The following RAB11FIP5 variants were observed in gnomAD, a reference collection of about 807,000 sequenced individuals.
The protein encoded by RAB11FIP5 is RAB11 family interacting protein 5, also known as rab11 family-interacting protein 5.
A neutral mutation model predicts 85.1 loss-of-function variants in RAB11FIP5; 48 were observed. That is an observed-to-expected ratio of 0.56 (90% CI 0.45 to 0.72). RAB11FIP5 has a LOEUF of 0.72. Among genes scored for constraint, RAB11FIP5 ranks in the 30% least tolerant of loss-of-function variants. The pLI, the probability that RAB11FIP5 is intolerant of heterozygous loss-of-function variation, is 0.00. For missense variants in RAB11FIP5, 1,491 were observed against 1,687.0 expected, an observed-to-expected ratio of 0.88 and a Z score of 2.04; for synonymous variants, 729 against 727.3, an observed-to-expected ratio of 1.00 and a Z score of -0.04.
chr2:73,087,090 C>T (rs562530354), intron 3 of RAB11FIP5, among the ~76,000 whole-genome samples: 2 of 152,334 alleles, frequency 1.3e-5, no homozygotes, highest in African/African-American at 4.8e-5. Context: ...GTCCTCTAAA[C>T]CTGTCCAAGC....
intron 1 of RAB11FIP5, among the ~76,000 whole-genome samples, chr2:73,107,398 CT>C (rs1684549169): frequency 6.6e-6 from 1 of 152,170 alleles, no homozygotes; most frequent in Non-Finnish European, 1.5e-5. Flanking sequence ...GGGCGGGCAG[CT>C]CCCAGCAGAG....
chr2:73,089,899 AC>A lies in RAB11FIP5; in HGVS notation c.432-585del, dbSNP rs1684176269. 1.3e-5 allele frequency among the ~76,000 whole-genome samples: 2 copies of A among 151,622 alleles called. No individual in the cohort carries two copies. The highest frequency in any genetic ancestry group is 2.9e-5 in the Non-Finnish European group (2 of 67,898). Reference sequence around the variant, plus strand: ...TGTATGTATACACACACACACACACACACACACACACACACACCTCACTCAC... The same window carrying A: ...TGTATGTATACACACACACACACACAACACACACACACACACCTCACTCAC... On this transcript the variant is annotated intron_variant, in intron 1 of 5. Transcript: ENST00000486777. The surrounding 1 kb of genome is among the most constrained non-coding windows in gnomAD (Gnocchi z 4.6).
Position 73,080,143 on chromosome 2 carries a change from G to A in RAB11FIP5, c.3089C>T (p.Ala1030Val), listed in dbSNP as rs1284893029. The A allele has an allele frequency of 2.5e-5, 31 of 1,232,046 alleles. No individual in the cohort carries two copies. The highest frequency in any genetic ancestry group is 2.6e-5 in the Non-Finnish European group (26 of 988,016). The allele number at this position is 1,232,046 out of a possible 1,614,324, so 76.3% of individuals were successfully genotyped here. A position where few individuals can be genotyped will look rare whatever the true frequency, so the allele number is the denominator to read the frequency against. Reference protein sequence around the residue: ...GTPEVGEGPEAPEAQGQDPVG... With the variant: ...GTPEVGEGPEVPEAQGQDPVG... Reference sequence around the variant, plus strand: ...TGGATCCTGGCCCTGGGCCTCAGGAGCCTCAGGGCCTTCTCCAACCTCTGG... The same window carrying A: ...TGGATCCTGGCCCTGGGCCTCAGGAACCTCAGGGCCTTCTCCAACCTCTGG... Residue 1030 changes from alanine to valine, a missense_variant, in exon 4 of 6, where the codon GCT becomes GTT. Ala to Val is a moderately conservative substitution (Grantham distance 64). Transcript: ENST00000486777.
At position 73,080,835 on chromosome 2, in the gene RAB11FIP5, C is replaced by T. The variant is rs767939398; in HGVS notation, c.2397G>A (p.Glu799=). ...CAGCGCTCTCTGGGCCCGGCAGCCTCTCCCACACACTGATCACTTCTGGGG... is the reference window on the plus strand; with the variant it reads ...CAGCGCTCTCTGGGCCCGGCAGCCTTTCCCACACACTGATCACTTCTGGGG... ...FSSPEVISVW[E]RLPGPESAAE... is the part of the protein sequence containing the mutation. The change falls in exon 4 of 6, where the codon GAG becomes GAA. Residue 799 remains glutamate (E), a synonymous_variant. Transcript: ENST00000486777. 16 of 1,232,284 alleles carry T rather than the reference C, an allele frequency of 1.3e-5. No individual in the cohort carries two copies. The highest frequency in any genetic ancestry group is 1.5e-5 in the Non-Finnish European group (15 of 988,132). The allele number at this position is 1,232,284 out of a possible 1,614,324, so 76.3% of individuals were successfully genotyped here.
chr2:73,096,232 C>T (rs1364834529), intron 1 of RAB11FIP5, among the ~76,000 whole-genome samples: 1 of 152,238 alleles, frequency 6.6e-6, no homozygotes, highest in African/African-American at 2.4e-5. Flanking sequence ...GTTACTCCTG[C>T]TGGTGGGGTC....
At position 73,088,658 on chromosome 2, in the gene RAB11FIP5, G is replaced by T; in HGVS notation, c.960C>A (p.Ala320=). 1 of 1,613,136 alleles carries T rather than the reference G, an allele frequency of 6.2e-7. No homozygotes were observed. The highest frequency in any genetic ancestry group is 8.5e-7 in the Non-Finnish European group (1 of 1,180,014). The change falls in exon 3 of 6, where the codon GCC becomes GCA. Residue 320 remains alanine, a synonymous_variant. Coordinates refer to ENST00000486777, the MANE Select transcript of RAB11FIP5 (RefSeq NM_001371272.1). ...ANQMRVAPPR[A]LLDLQGHLDA... is the part of the protein sequence containing the mutation. ...CCAGGTGGCCCTGAAGGTCCAGAAG[G>T]GCCCGAGGAGGAGCCACTCGCATCT...
At chr2:73,101,601 A>G (rs1684430079) in intron 1 of RAB11FIP5, among the ~76,000 whole-genome samples, 1 of 151,600 alleles carries the variant, frequency 6.6e-6, no homozygotes, top group Non-Finnish European at 1.5e-5. Flanking sequence ...TTGACATTAG[A>G]CTCCTGCGGA....
chr2:73,105,148 C>A (rs904146689), intron 1 of RAB11FIP5, among the ~76,000 whole-genome samples: 4 of 152,212 alleles, frequency 2.6e-5, no homozygotes, highest in Non-Finnish European at 4.4e-5. Flanking sequence ...GTGCTGATGC[C>A]CCCAAGCCCT....
At position 73,112,912 on chromosome 2, in the gene RAB11FIP5, C is replaced by T; in HGVS notation, c.-135G>A. ...CAGCTGCGGGCTGGGCTGGGCCGGGCCGACCGGCCGCCGCCTCCCCGCCTC... is the reference window on the plus strand; with the variant it reads ...CAGCTGCGGGCTGGGCTGGGCCGGGTCGACCGGCCGCCGCCTCCCCGCCTC... On this transcript the variant is annotated 5_prime_UTR_variant, in exon 1 of 6. Transcript: ENST00000486777. 2.5e-6 allele frequency: 2 copies of T among 798,648 alleles called. No individual in the cohort carries two copies. Among genetic ancestry groups the T allele is most frequent in the Admixed American group, 4.6e-5 (1 of 21,570 alleles). 49.5% of individuals were successfully genotyped at this position (798,648 alleles called of 1,614,324 possible).
chr2:73,101,414 C>T (rs1336130942), intron 1 of RAB11FIP5, among the ~76,000 whole-genome samples: 1 of 152,140 alleles, frequency 6.6e-6, no homozygotes, highest in Non-Finnish European at 1.5e-5. Flanking sequence ...ATCAAGACAA[C>T]TTGAATGTGG....
intron 3 of RAB11FIP5, among the ~76,000 whole-genome samples, chr2:73,087,465 G>A (rs1176414272): frequency 2.0e-5 from 3 of 152,208 alleles, no homozygotes; most frequent in African/African-American, 4.8e-5. Flanking sequence ...GGACAGAGAT[G>A]GGTTACAGAT....
intron 1 of RAB11FIP5, among the ~76,000 whole-genome samples, chr2:73,106,397 C>T (rs533849615): frequency 6.6e-6 from 1 of 152,186 alleles, no homozygotes; most frequent in East Asian, 1.9e-4. Context: ...CTGTCTGCTC[C>T]GAACATCTCC....
At position 73,080,218 on chromosome 2, in the gene RAB11FIP5, G is replaced by A. The variant is rs1415551087; in HGVS notation, c.3014C>T (p.Pro1005Leu). The change falls in exon 4 of 6, where the codon CCC becomes CTC. Residue 1005 changes from proline (P) to leucine (L), a missense_variant. By Grantham distance (98) the Pro-to-Leu change is moderately conservative (BLOSUM62 -3). This residue lies in a region of RAB11FIP5 where 1,211 missense variants were observed against 1,338.0 expected (regional missense o/e 0.91). Coordinates refer to ENST00000486777, the MANE Select transcript of RAB11FIP5 (RefSeq NM_001371272.1). The part of the protein sequence containing the change: ...ASCPEGPAPI[P>L]CHSKSLALQS... Reference sequence around the variant, plus strand: ...AAGAGCCAAGCTCTTTGAGTGACAGGGTATGGGGGCAGGACCCTCAGGGCA... The same window carrying A: ...AAGAGCCAAGCTCTTTGAGTGACAGAGTATGGGGGCAGGACCCTCAGGGCA... The A allele has an allele frequency of 2.0e-5, 25 of 1,232,392 alleles. No homozygotes were observed. Among genetic ancestry groups the A allele is most frequent in the Non-Finnish European group, 2.5e-5 (25 of 988,294 alleles). The allele number at this position is 1,232,392 out of a possible 1,614,324, so 76.3% of individuals were successfully genotyped here.
chr2:73,108,941 G>T (rs1008886970), intron 1 of RAB11FIP5, among the ~76,000 whole-genome samples: 1 of 152,180 alleles, frequency 6.6e-6, no homozygotes. Context: ...CTACTCAGGG[G>T]ACTGAGGCAG....
chr2:73,094,261 G>A (rs925618684), intron 1 of RAB11FIP5, among the ~76,000 whole-genome samples: 1 of 151,628 alleles, frequency 6.6e-6, no homozygotes, highest in Non-Finnish European at 1.5e-5. Context: ...CTCCCTCTCT[G>A]TGCCCTTCAC....
At chr2:73,102,123 G>T (rs765834153) in intron 1 of RAB11FIP5, among the ~76,000 whole-genome samples, 1 of 152,170 alleles carries the variant, frequency 6.6e-6, no homozygotes, top group Admixed American at 6.5e-5. Context: ...GAGGCGAGGA[G>T]GGGGTAGGGA....
At position 73,075,468 on chromosome 2, in the gene RAB11FIP5, G is replaced by A; in HGVS notation, c.*53C>T. 1 of 1,536,832 alleles carries A rather than the reference G, an allele frequency of 6.5e-7. No homozygotes were observed. Among genetic ancestry groups the A allele is most frequent in the Non-Finnish European group, 9.0e-7 (1 of 1,109,512 alleles). On this transcript the variant is annotated 3_prime_UTR_variant, in exon 6 of 6. Coordinates refer to ENST00000486777, the MANE Select transcript of RAB11FIP5 (RefSeq NM_001371272.1). The surrounding 1 kb of genome is among the most constrained non-coding windows in gnomAD (Gnocchi z 4.6). ...AGATGAGAGAGTTCAGGAGGAGAGA[G>A]GGCAGGCAGCAATAGGTCCATGCCA...
intron 1 of RAB11FIP5, among the ~76,000 whole-genome samples, chr2:73,094,644 A>G (rs1684283879): frequency 6.6e-6 from 1 of 152,108 alleles, no homozygotes; most frequent in Non-Finnish European, 1.5e-5. Context: ...ATGGTCCCTA[A>G]CGCTTTACAT....
rs777996435 is a variant in RAB11FIP5 at position 73,112,576 on chromosome 2, C to T, written c.202G>A (p.Glu68Lys). The change falls in exon 1 of 6, where the codon GAG (glutamate) becomes AAG (lysine). Residue 68 changes from glutamate (E) to lysine (K), a missense_variant. By Grantham distance (56) the Glu-to-Lys change is moderately conservative. This residue lies in a region of RAB11FIP5 where 1,211 missense variants were observed against 1,338.0 expected (regional missense o/e 0.91). Coordinates refer to ENST00000486777, the MANE Select transcript of RAB11FIP5 (RefSeq NM_001371272.1). ...TCGAAGGAGCACTCCTCACGCCACT[C>T]GGGGCAGCCGTGCGTCTTCTCCACC... is the stretch of plus-strand genomic sequence containing the variant. ...SVVEKTHGCPEWREECSFELP... is the reference protein window; with the variant it reads ...SVVEKTHGCPKWREECSFELP... The T allele has an allele frequency of 9.6e-5, 153 of 1,591,588 alleles. 2 individuals carry two copies. The South Asian group carries it at 1.6e-3, about 16-fold the overall frequency.
Sources: gnomAD v4.1 joint callset for allele counts (sites outside exome capture counted in the v4.1 genomes callset) on GRCh38, gnomAD v4.1.1 for gene constraint, gnomAD v4.1.1 regional missense constraint, Gnocchi (gnomAD v3.1) non-coding constraint, MANE v1.5 for transcripts, NCBI Gene and HGNC (gene_info 2026-07-23, HGNC 2026-07-21) for gene names.